Variants in UTP6 observed in about 807,000 individuals in gnomAD.
UTP6 encodes the protein UTP6 small subunit processome component.
Under a neutral mutation model 96.5 loss-of-function variants are expected in UTP6, and 60 were observed. That is an observed-to-expected ratio of 0.62 (90% CI 0.51 to 0.77). The LOEUF is 0.77. Ranked by LOEUF, UTP6 falls within the 30% of genes least tolerant of loss-of-function variation. The pLI is 0.00. For missense variants in UTP6, 637 were observed against 706.5 expected (o/e 0.90, Z 1.12); for synonymous variants, 215 against 240.1 (o/e 0.90, Z 0.96).
At chr17:31,900,092 C>T (rs756839241) in intron 1 of UTP6, among the ~76,000 whole-genome samples, 5 of 151,780 alleles carry the variant, frequency 3.3e-5, no homozygotes, top group African/African-American at 4.8e-5. Context: ...TGCAGTAAGC[C>T]GAGATCGCGC....
At chr17:31,874,044 CT>C (rs1910349172) in intron 14 of UTP6, 1 of 316,684 alleles carries the variant, frequency 3.2e-6, no homozygotes, top group Non-Finnish European at 5.7e-6. Context: ...GAGCAACACT[CT>C]TCTGTGAATT....
At chr17:31,896,891 C>G (rs992778368) in intron 2 of UTP6, among the ~76,000 whole-genome samples, 1 of 152,114 alleles carries the variant, frequency 6.6e-6, no homozygotes, top group South Asian at 2.1e-4. Context: ...CTGTCTCACA[C>G]GTGAGCCGCC....
chr17:31,880,636 C>A lies in UTP6; in HGVS notation c.904G>T (p.Val302Phe). Residue 302 changes from valine (V) to phenylalanine (F), a missense_variant, in exon 11 of 19, where the codon GTC (valine) becomes TTC (phenylalanine). Physicochemically the swap from Val to Phe is conservative, Grantham distance 50 (BLOSUM62 -1). Transcript: ENST00000261708. Reference sequence around the variant, plus strand: ...CAGCACCTCTCCTCCTTCCGGCCGACCTCCACTGCTTTGGCTTGTTTCGTT... The same window carrying A: ...CAGCACCTCTCCTCCTTCCGGCCGAACTCCACTGCTTTGGCTTGTTTCGTT... ...PTTKQAKAVE[V>F]GRKEERCCAV... 6.2e-7 allele frequency: 1 copy of A among 1,614,128 alleles called. No homozygotes were observed. Among genetic ancestry groups the A allele is most frequent in the African/African-American group, 1.3e-5 (1 of 75,046 alleles).
In UTP6 at chr17:31,868,073, C is replaced by A; in HGVS notation, c.1536G>T (p.Arg512Ser). The A allele has an allele frequency of 6.2e-7, 1 of 1,613,444 alleles. No individual in the cohort carries two copies. Among genetic ancestry groups the A allele is most frequent in the South Asian group, 1.1e-5 (1 of 91,016 alleles). The change falls in exon 17 of 19, where the codon AGG (arginine) becomes AGT (serine). Residue 512 changes from arginine to serine, a missense_variant. Coordinates refer to ENST00000261708, the MANE Select transcript of UTP6 (RefSeq NM_018428.3). ...GCTCCTTTTCAAACTGAATCATTTTCCTGAAAAAGTCAACTGAAAATGGTC... is the reference window on the plus strand; with the variant it reads ...GCTCCTTTTCAAACTGAATCATTTTACTGAAAAAGTCAACTGAAAATGGTC... Reference protein sequence around the residue: ...ESRPFSVDFFRKMIQFEKEQE... With the variant: ...ESRPFSVDFFSKMIQFEKEQE...
At position 31,886,011 on chromosome 17, in the gene UTP6, G is replaced by A; in HGVS notation, c.672C>T (p.Ile224=). The A allele has an allele frequency of 3.1e-6, 5 of 1,613,716 alleles. No individual in the cohort carries two copies. Among genetic ancestry groups the A allele is most frequent in the Non-Finnish European group, 4.2e-6 (5 of 1,179,906 alleles). The change falls in exon 9 of 19, where the codon ATC becomes ATT. Residue 224 remains isoleucine (I), a synonymous_variant. Transcript: ENST00000261708. The part of the protein sequence containing the change: ...EEILKGELAW[I]IYKNSVSIIK... ...TTATGCTTACAGAATTTTTGTAGAT[G>A]ATCCATGCCAACTCGCCCTTAAGGA...
rs1359425221 is a variant in UTP6 at position 31,875,369 on chromosome 17, T to G, written c.1170A>C (p.Glu390Asp). ...ACAATTCAGTTCCAGCTACTGCCAC[T>G]TCCAGAGCTTCCCTCAGGAAGTTAT... Reference protein sequence around the residue: ...LCYNFLREALEVAVAGTELFR... With the variant: ...LCYNFLREALDVAVAGTELFR... Residue 390 changes from glutamate to aspartate, a missense_variant, in exon 14 of 19, where the codon GAA becomes GAC. Transcript: ENST00000261708. The G allele has an allele frequency of 6.2e-7, 1 of 1,614,050 alleles. No homozygotes were observed. Among genetic ancestry groups the G allele is most frequent in the African/African-American group, 1.3e-5 (1 of 74,930 alleles).
chr17:31,862,238 T>C lies in UTP6; in HGVS notation c.*1121A>G, dbSNP rs1909585554. On this transcript the variant is annotated 3_prime_UTR_variant, in exon 19 of 19. Coordinates refer to ENST00000261708, the MANE Select transcript of UTP6 (RefSeq NM_018428.3). The stretch of plus-strand genomic sequence containing the variant: ...TGAACCCGGGAGGTGGAGGTTGCAG[T>C]GAGCCGAGATGGAGCCACTGCACTC... 1 of 151,490 alleles carries C rather than the reference T, an allele frequency of 6.6e-6. No individual in the cohort carries two copies. Among genetic ancestry groups the C allele is most frequent in the South Asian group, 2.1e-4 (1 of 4,820 alleles). 9.4% of individuals were successfully genotyped at this position (151,490 alleles called of 1,614,324 possible). A position where few individuals can be genotyped will look rare whatever the true frequency, so the allele number is the denominator to read the frequency against.
intron 1 of UTP6, among the ~76,000 whole-genome samples, chr17:31,900,975 C>G (rs970369399): frequency 6.6e-6 from 1 of 152,128 alleles, no homozygotes; most frequent in Non-Finnish European, 1.5e-5. Flanking sequence ...CAAAACAAAG[C>G]AACAGTCACA....
chr17:31,900,736 A>T (rs2142331454), intron 1 of UTP6, among the ~76,000 whole-genome samples: 1 of 152,372 alleles, frequency 6.6e-6, no homozygotes. Flanking sequence ...AAGACTTATT[A>T]CTACGAAGGA....
At chr17:31,890,738 C>G (rs1048555891) in intron 6 of UTP6, among the ~76,000 whole-genome samples, 1 of 152,058 alleles carries the variant, frequency 6.6e-6, no homozygotes, top group Non-Finnish European at 1.5e-5. Context: ...GTAATCCCAG[C>G]ACTTTGGGAG....
intron 8 of UTP6, 135 bp downstream of exon 8, chr17:31,887,101 T>A: frequency 1.4e-6 from 1 of 710,750 alleles, no homozygotes; most frequent in Non-Finnish European, 2.3e-6. Context: ...CCAGCCTGTG[T>A]GACAGACCGA....
At chr17:31,868,278 T>G (rs1350203708) in intron 16 of UTP6, among the ~76,000 whole-genome samples, 166 bp from the exon 17 acceptor site, 2 of 151,600 alleles carry the variant, frequency 1.3e-5, no homozygotes, top group African/African-American at 2.4e-5. Flanking sequence ...CTCACGATTC[T>G]ATGACCACTA....
chr17:31,892,845 A>G (rs2142320646), intron 4 of UTP6, 51 bp from the exon 5 acceptor site: 1 of 1,608,266 alleles, frequency 6.2e-7, no homozygotes, highest in Middle Eastern at 1.7e-4. Context: ...TTTACATATA[A>G]TACACCTTTG....
intron 10 of UTP6, among the ~76,000 whole-genome samples, 162 bp from the exon 11 acceptor site, chr17:31,880,916 C>G (rs1910794577): frequency 6.6e-6 from 1 of 152,208 alleles, no homozygotes; most frequent in Non-Finnish European, 1.5e-5. Context: ...GCTCACGCCA[C>G]TGGGAGACCA....
At chr17:31,878,446 T>C in intron 12 of UTP6, 119 bp from the exon 13 acceptor site, 1 of 1,002,948 alleles carries the variant, frequency 1.0e-6, no homozygotes, top group East Asian at 2.5e-5. Context: ...GACTTGCTCC[T>C]GCATGGTGGT....
intron 16 of UTP6, among the ~76,000 whole-genome samples, chr17:31,870,189 T>C (rs1910072473): frequency 6.6e-6 from 1 of 152,194 alleles, no homozygotes; most frequent in Non-Finnish European, 1.5e-5. Flanking sequence ...GGTATATATC[T>C]AGTAATGGGA....
At chr17:31,892,695 A>G in intron 5 of UTP6, 52 bp downstream of exon 5, 1 of 1,609,868 alleles carries the variant, frequency 6.2e-7, no homozygotes, top group Non-Finnish European at 8.5e-7. Flanking sequence ...CTTAAAGGGC[A>G]GATTAACAAA....
At chr17:31,899,623 G>C (rs2142330043) in intron 2 of UTP6, 23 bp downstream of exon 2, 1 of 1,543,576 alleles carries the variant, frequency 6.5e-7, no homozygotes. Context: ...AAAAAAGAAA[G>C]AAATTATTAA....
chr17:31,900,706 C>G (rs1904930773), intron 1 of UTP6, among the ~76,000 whole-genome samples: 1 of 152,168 alleles, frequency 6.6e-6, no homozygotes, highest in Non-Finnish European at 1.5e-5. Context: ...TTTTAAAAAT[C>G]TAAATTGCGT....
Sources: gnomAD v4.1 joint callset for allele counts (sites outside exome capture counted in the v4.1 genomes callset) on GRCh38, gnomAD v4.1.1 for gene constraint, MANE v1.5 for transcripts, NCBI Gene and HGNC (gene_info 2026-07-23, HGNC 2026-07-21) for gene names.